Variants in NXPE4 observed in about 807,000 individuals in gnomAD.
NXPE4 encodes NXPE family member 4.
NXPE4 carries 42 observed loss-of-function variants against 33.3 expected under a neutral mutation model. The observed-to-expected ratio is 1.26, with a 90% CI of 0.98 to 1.63. The LOEUF (loss-of-function observed/expected upper bound fraction) is 1.63, where lower values mean the gene tolerates loss of function less well. Ranked by LOEUF, NXPE4 falls within the 40% of genes most tolerant of loss-of-function variation. The pLI is 0.00. For synonymous variants in NXPE4, 253 were observed against 234.9 expected (o/e 1.08, Z -0.71); for missense variants, 709 against 647.6 (o/e 1.09, Z -1.03).
At chr11:114,596,299 T>C (rs1484514676), upstream of NXPE4, among the ~76,000 whole-genome samples, 1 of 152,210 alleles carries the variant, frequency 6.6e-6, no homozygotes, top group Non-Finnish European at 1.5e-5. Context: ...GGGATTTGTA[T>C]TCTTGATCTG....
intron 2 of NXPE4, among the ~76,000 whole-genome samples, chr11:114,591,864 G>A (rs1174683253): frequency 6.6e-6 from 1 of 152,100 alleles, no homozygotes; most frequent in African/African-American, 2.4e-5. Flanking sequence ...ATATTGACCA[G>A]GGTATATTAT....
the NXPE4 span, among the ~76,000 whole-genome samples, chr11:114,650,546 G>A: frequency 1.3e-5 from 2 of 152,274 alleles, no homozygotes; most frequent in African/African-American, 2.4e-5. Context: ...GGAAGGGCAA[G>A]TACTGTTCTC....
the NXPE4 span, among the ~76,000 whole-genome samples, chr11:114,623,020 C>A: frequency 6.6e-6 from 1 of 150,506 alleles, no homozygotes; most frequent in East Asian, 2.0e-4. Context: ...TGTTGCCTTG[C>A]GGGAAACCCC....
chr11:114,573,109 A>T (rs1201889797), intron 5 of NXPE4, among the ~76,000 whole-genome samples: 1 of 152,154 alleles, frequency 6.6e-6, no homozygotes, highest in African/African-American at 2.4e-5. Context: ...ATCCAGCAAA[A>T]CTAAGCTTCG....
At chr11:114,587,085 C>A in intron 2 of NXPE4, among the ~76,000 whole-genome samples, 1 of 152,216 alleles carries the variant, frequency 6.6e-6, no homozygotes, top group East Asian at 1.9e-4. Context: ...TGGCCCTTTG[C>A]GGAAACACTC....
chr11:114,664,449 C>CA, the NXPE4 span, among the ~76,000 whole-genome samples: 13,834 of 150,918 alleles, frequency 0.092, 781 homozygotes, highest in Middle Eastern at 0.2. Flanking sequence ...CAACTGTAAA[C>CA]AAAAAAAAAT....
the NXPE4 span, among the ~76,000 whole-genome samples, chr11:114,617,421 C>T: frequency 6.6e-6 from 1 of 151,726 alleles, no homozygotes; most frequent in Admixed American, 6.6e-5. Flanking sequence ...ACCACTGTTA[C>T]CGGGTGGATA....
At chr11:114,663,630 T>C in the NXPE4 span, among the ~76,000 whole-genome samples, 15 of 109,694 alleles carry the variant, frequency 1.4e-4, no homozygotes, top group East Asian at 5.8e-4. Context: ...TCTATCTATC[T>C]ATCTATCATC....
At chr11:114,602,433 TATA>T in the NXPE4 span, among the ~76,000 whole-genome samples, 1 of 133,488 alleles carries the variant, frequency 7.5e-6, no homozygotes, top group Admixed American at 8.4e-5. Context: ...TAAATGTAAT[TATA>T]ATATATAATA....
Position 114,582,687 on chromosome 11 carries a change from G to C in NXPE4, c.431C>G (p.Ser144Cys). ...TGAAGCACCTGCCATCAGCGCTGGG[G>C]AAGACATCCTGGCCCTCAGGAAATC... is the stretch of plus-strand genomic sequence containing the variant. Reference protein sequence around the residue: ...GGDFLRARMSSPALMAGASGK... With the variant: ...GGDFLRARMSCPALMAGASGK... Residue 144 changes from serine to cysteine, a missense_variant, in exon 3 of 6, where the codon TCC becomes TGC. Ser to Cys is a moderately radical substitution (Grantham distance 112). Transcript: ENST00000375478. The C allele has an allele frequency of 3.1e-6, 5 of 1,614,116 alleles. No individual in the cohort carries two copies. Among genetic ancestry groups the C allele is most frequent in the Middle Eastern group, 3.3e-4 (2 of 6,060 alleles).
the NXPE4 span, among the ~76,000 whole-genome samples, chr11:114,668,267 G>A: frequency 6.6e-6 from 1 of 151,938 alleles, no homozygotes; most frequent in Admixed American, 6.6e-5. Context: ...GGAGACTTCT[G>A]GAGGAAGATA....
intron 2 of NXPE4, chr11:114,584,382 A>G: frequency 3.0e-6 from 1 of 338,056 alleles, no homozygotes; most frequent in South Asian, 2.8e-5. Context: ...AGGCCCATCC[A>G]CCTGCAGTCC....
the NXPE4 span, among the ~76,000 whole-genome samples, chr11:114,668,427 A>G: frequency 2.0e-5 from 3 of 151,942 alleles, no homozygotes; most frequent in Non-Finnish European, 2.9e-5. Context: ...ACAGCAGTAG[A>G]TAACTAATAC....
chr11:114,651,334 A>G, the NXPE4 span, among the ~76,000 whole-genome samples: 5 of 151,094 alleles, frequency 3.3e-5, no homozygotes, highest in African/African-American at 1.2e-4. Context: ...ACAGCTCGTT[A>G]AGGTGGCACG....
the NXPE4 span, among the ~76,000 whole-genome samples, chr11:114,632,780 T>C: frequency 2.4e-5 from 1 of 42,162 alleles, no homozygotes; most frequent in African/African-American, 9.2e-5. Flanking sequence ...AATTATATAT[T>C]ATATATTATA....
the NXPE4 span, among the ~76,000 whole-genome samples, chr11:114,633,225 TA>T: frequency 7.5e-6 from 1 of 133,092 alleles, no homozygotes; most frequent in Non-Finnish European, 1.5e-5. Context: ...ATTATATATA[TA>T]AATATATGTA....
rs73557437 is a variant in NXPE4 at position 114,592,430 on chromosome 11, C to G, written c.96+2234G>C. Among the ~76,000 whole-genome samples, 268 of 151,934 alleles carry G rather than the reference C, an allele frequency of 1.8e-3. 3 individuals are homozygous for G. The highest frequency in any genetic ancestry group is 6.3e-3 in the African/African-American group (262 of 41,434). On this transcript the variant is annotated intron_variant, in intron 2 of 5. Transcript: ENST00000375478. ...AAAGCAATTTCATTTACAGTAGCTACAAAAACCCTAGGAATAAATTGATCT... is the reference window on the plus strand; with the variant it reads ...AAAGCAATTTCATTTACAGTAGCTAGAAAAACCCTAGGAATAAATTGATCT...
In NXPE4 at chr11:114,574,453, A is replaced by T. The variant is rs181031031; in HGVS notation, c.1100-2980T>A. Among the ~76,000 whole-genome samples, 432 of 152,220 alleles carry T rather than the reference A, an allele frequency of 2.8e-3. 5 individuals are homozygous for T. Among genetic ancestry groups the T allele is most frequent in the African/African-American group, 9.3e-3 (388 of 41,592 alleles). ...AAAAGATAAATAAAATTGATAAACCATTAGCAAGATTAACTAAGAAGAGAG... is the reference window on the plus strand; with the variant it reads ...AAAAGATAAATAAAATTGATAAACCTTTAGCAAGATTAACTAAGAAGAGAG... On this transcript the variant is annotated intron_variant, in intron 5 of 5. Transcript: ENST00000375478.
upstream of NXPE4, among the ~76,000 whole-genome samples, chr11:114,597,156 A>G (rs1477970763): frequency 1.3e-5 from 2 of 152,244 alleles, no homozygotes; most frequent in Non-Finnish European, 2.9e-5. Context: ...TAACCCTGGT[A>G]TAACCACTAA....
Sources: gnomAD v4.1 joint callset for allele counts (sites outside exome capture counted in the v4.1 genomes callset) on GRCh38, gnomAD v4.1.1 for gene constraint, MANE v1.5 for transcripts, NCBI Gene and HGNC (gene_info 2026-07-23, HGNC 2026-07-21) for gene names.